The following AASDHPPT variants were observed in gnomAD, a reference collection of about 807,000 sequenced individuals.
AASDHPPT encodes aminoadipate-semialdehyde dehydrogenase-phosphopantetheinyl transferase.
A neutral mutation model predicts 36.4 loss-of-function variants in AASDHPPT; 23 were observed. The ratio of observed to expected loss-of-function variants is 0.63; its 90% CI spans 0.45 to 0.89. The LOEUF is 0.89. Among genes scored for constraint, AASDHPPT ranks in the 40% least tolerant of loss-of-function variants. AASDHPPT has a pLI of 0.00. For missense variants in AASDHPPT, 377 were observed against 378.2 expected, an observed-to-expected ratio of 1.00 and a Z score of 0.03; for synonymous variants, 115 against 128.0, an observed-to-expected ratio of 0.90 and a Z score of 0.68.
chr11:106,082,713 C>T (rs1861156638), intron 2 of AASDHPPT, among the ~76,000 whole-genome samples: 1 of 152,152 alleles, frequency 6.6e-6, no homozygotes, highest in Non-Finnish European at 1.5e-5. Context: ...TAGTATATAG[C>T]CTACCATATG....
chr11:106,094,710 C>T (rs760227539), intron 5 of AASDHPPT, 56 bp downstream of exon 5: 55 of 1,374,008 alleles, frequency 4.0e-5, no homozygotes, highest in Non-Finnish European at 5.4e-5. Flanking sequence ...GTTAAGTTTG[C>T]TCTTTATTGA....
rs1431755794 is a variant in AASDHPPT at position 106,081,257 on chromosome 11, C to T, written c.409+1565C>T. ...TACTAGCTACTCTTTCTCTTACCTG[C>T]TAATAAACCTTTCCAGTACAACTCT... On this transcript the variant is annotated intron_variant, in intron 2 of 5. Coordinates refer to ENST00000278618, the MANE Select transcript of AASDHPPT (RefSeq NM_015423.3). 2.6e-5 allele frequency among the ~76,000 whole-genome samples: 4 copies of T among 152,198 alleles called. No individual in the cohort carries two copies. The East Asian group carries it at 7.7e-4, about 29-fold the overall frequency.
At chr11:106,083,013 T>A (rs1227607637) in intron 2 of AASDHPPT, among the ~76,000 whole-genome samples, 1 of 152,210 alleles carries the variant, frequency 6.6e-6, no homozygotes, top group East Asian at 1.9e-4. Context: ...TGTTCGTCTT[T>A]ACATTTTTAA....
chr11:106,092,754 C>T (rs1211196798), intron 4 of AASDHPPT: 2 of 146,198 alleles, frequency 1.4e-5, no homozygotes, highest in Non-Finnish European at 3.1e-5. Context: ...CCCACGCAAC[C>T]ATTCCTTTTT....
intron 5 of AASDHPPT, 96 bp downstream of exon 5, chr11:106,094,750 T>G (rs1042805729): frequency 2.2e-6 from 2 of 905,152 alleles, no homozygotes; most frequent in Non-Finnish European, 3.3e-6. Context: ...TATATCAGTT[T>G]AGAGAGATTT....
At chr11:106,082,972 A>G (rs1462783393) in intron 2 of AASDHPPT, among the ~76,000 whole-genome samples, 1 of 152,220 alleles carries the variant, frequency 6.6e-6, no homozygotes, top group Non-Finnish European at 1.5e-5. Flanking sequence ...AATTTGGGAA[A>G]GGACCAGAAT....
At chr11:106,095,979 A>G (rs556464752) in intron 5 of AASDHPPT, 1 of 152,336 alleles carries the variant, frequency 6.6e-6, no homozygotes, top group African/African-American at 2.4e-5. Context: ...CTAGAGTACA[A>G]TTCACAAAAT....
chr11:106,079,421 C>G, intron 1 of AASDHPPT, 46 bp from the exon 2 acceptor site: 2 of 1,484,206 alleles, frequency 1.3e-6, no homozygotes, highest in South Asian at 2.5e-5. Flanking sequence ...GTGCTTGTAT[C>G]TTTAGTAGAC....
chr11:106,081,004 G>T (rs1177223719), intron 2 of AASDHPPT, among the ~76,000 whole-genome samples: 1 of 152,130 alleles, frequency 6.6e-6, no homozygotes, highest in East Asian at 1.9e-4. Context: ...TATTCATCAG[G>T]ATGATTGATT....
chr11:106,096,467 A>G, intron 5 of AASDHPPT: 1 of 245,556 alleles, frequency 4.1e-6, no homozygotes, highest in South Asian at 1.3e-4. Context: ...AGTAAATCAC[A>G]CTTTTTGGAT....
At chr11:106,093,441 G>T (rs1439722427) in intron 4 of AASDHPPT, 3 of 152,010 alleles carry the variant, frequency 2.0e-5, no homozygotes, top group African/African-American at 7.2e-5. Flanking sequence ...TGTTTAAAGA[G>T]AAAACAGAAC....
chr11:106,087,361 A>G (rs552282014), intron 2 of AASDHPPT, among the ~76,000 whole-genome samples: 25 of 152,270 alleles, frequency 1.6e-4, no homozygotes, highest in African/African-American at 5.5e-4. Context: ...GTCACTTCTC[A>G]TAGAAGCAAA....
At chr11:106,090,768 C>T (rs1288425922) in intron 3 of AASDHPPT, 90 bp downstream of exon 3, 34 of 1,475,514 alleles carry the variant, frequency 2.3e-5, no homozygotes, top group African/African-American at 2.9e-5. Context: ...CCAGTAGTGT[C>T]CAAACAGTGC....
chr11:106,091,611 A>G lies in AASDHPPT; in HGVS notation c.693+134A>G, dbSNP rs1471127069. On this transcript the variant is annotated intron_variant, in intron 4 of 5. Transcript: ENST00000278618. ...GTCCTGCTGCTCTGAAAGTGAAATC[A>G]GGGCTACTATGAGAGCATGTAACAT... 4 of 828,048 alleles carry G rather than the reference A, an allele frequency of 4.8e-6. No homozygotes were observed. In the African/African-American group the frequency reaches 5.4e-5, roughly 11 times the overall value. 51.3% of individuals were successfully genotyped at this position (828,048 alleles called of 1,614,324 possible).
At chr11:106,086,113 T>G (rs1480723466) in intron 2 of AASDHPPT, 2 of 152,202 alleles carry the variant, frequency 1.3e-5, no homozygotes, top group Non-Finnish European at 2.9e-5. Flanking sequence ...TGTATATTAG[T>G]TTCTTCAGGC....
intron 2 of AASDHPPT, among the ~76,000 whole-genome samples, chr11:106,082,418 T>C (rs1248258637): frequency 1.3e-5 from 2 of 152,172 alleles, no homozygotes; most frequent in Non-Finnish European, 2.9e-5. Flanking sequence ...TAAATGATGC[T>C]AGGCAAAACT....
At position 106,079,689 on chromosome 11, in the gene AASDHPPT, C is replaced by T. The variant is rs1565409523; in HGVS notation, c.406C>T (p.Pro136Ser). The T allele has an allele frequency of 1.2e-6, 2 of 1,613,666 alleles. No homozygotes were observed. The highest frequency in any genetic ancestry group is 4.5e-5 in the East Asian group (2 of 44,860). The change falls in exon 2 of 6, where the codon CCA becomes TCA. Residue 136 changes from proline to serine, a missense_variant. Pro to Ser is a moderately conservative substitution (Grantham distance 74, BLOSUM62 -1). Coordinates refer to ENST00000278618, the MANE Select transcript of AASDHPPT (RefSeq NM_015423.3). ...AATTGATATAATGAAGACTAGTTTT[C>T]CAGGTAACGTTGCATTTTTCTAGTA... ...VGIDIMKTSF[P>S]GRGSIPEFFH...
intron 1 of AASDHPPT, among the ~76,000 whole-genome samples, chr11:106,078,240 AT>A (rs935072070): frequency 1.3e-5 from 2 of 151,408 alleles, no homozygotes; most frequent in South Asian, 2.1e-4. Context: ...TTTAAATGTT[AT>A]TTTTTTTTGT....
Position 106,098,496 on chromosome 11 carries a change from C to G in AASDHPPT, c.*1589C>G, listed in dbSNP as rs1003973516. ...GCAAATTGTATAAAATTAGGTACTT[C>G]GATTAGTAAAAGAAAAAAATTTGAA... On this transcript the variant is annotated 3_prime_UTR_variant, in exon 6 of 6. Transcript: ENST00000278618. 1.5e-4 allele frequency: 22 copies of G among 149,158 alleles called. No homozygotes were observed. Among genetic ancestry groups the G allele is most frequent in the African/African-American group, 4.9e-4 (20 of 40,844 alleles). 9.2% of individuals were successfully genotyped at this position (149,158 alleles called of 1,614,324 possible). A position where few individuals can be genotyped will look rare whatever the true frequency, so the allele number is the denominator to read the frequency against.
Sources: gnomAD v4.1 joint callset for allele counts (sites outside exome capture counted in the v4.1 genomes callset) on GRCh38, gnomAD v4.1.1 for gene constraint, MANE v1.5 for transcripts, NCBI Gene and HGNC (gene_info 2026-07-23, HGNC 2026-07-21) for gene names.